The following BDKRB2 variants were observed in gnomAD, a reference collection of about 807,000 sequenced individuals.
BDKRB2 encodes the protein B2 bradykinin receptor.
In BDKRB2, 6 loss-of-function variants were observed where a neutral mutation model predicts 4.0. The ratio of observed to expected loss-of-function variants is 1.49; its 90% CI spans 0.81 to 2.93. The LOEUF is 2.93. BDKRB2 is among the 30% of genes most tolerant of loss of function. BDKRB2 has a pLI of 0.00. For synonymous variants in BDKRB2, 225 were observed against 215.3 expected (o/e 1.05, Z -0.40); for missense variants, 478 against 520.1 (o/e 0.92, Z 0.79).
intron 1 of BDKRB2, chr14:96,223,456 A>C (rs1193557190): frequency 1.5e-6 from 1 of 667,638 alleles, no homozygotes; most frequent in Non-Finnish European, 2.8e-6. Context: ...TTTGATATTT[A>C]AAAGATGTTC....
intron 2 of BDKRB2, chr14:96,239,847 C>A: frequency 1.0e-5 from 10 of 985,464 alleles, no homozygotes; most frequent in Non-Finnish European, 1.2e-5. Flanking sequence ...ATCTTCAGTG[C>A]TTTGCTGATA....
At chr14:96,225,876 T>C (rs573990245) in intron 1 of BDKRB2, among the ~76,000 whole-genome samples, 1 of 152,144 alleles carries the variant, frequency 6.6e-6, no homozygotes, top group South Asian at 2.1e-4. Flanking sequence ...GGCCAGTAAC[T>C]GGTTAGGCAG....
intron 1 of BDKRB2, among the ~76,000 whole-genome samples, chr14:96,205,488 G>C (rs1166341806): frequency 1.3e-5 from 2 of 151,892 alleles, no homozygotes; most frequent in African/African-American, 4.8e-5. Context: ...AAGCAGGCGG[G>C]GGTGGGGGGG....
At chr14:96,221,092 T>C (rs1437394675) in intron 1 of BDKRB2, among the ~76,000 whole-genome samples, 1 of 151,896 alleles carries the variant, frequency 6.6e-6, no homozygotes, top group Non-Finnish European at 1.5e-5. Context: ...TCTGTGTGAC[T>C]CTGGACAAGT....
chr14:96,226,523 G>A (rs898441088), intron 1 of BDKRB2, among the ~76,000 whole-genome samples: 2 of 152,134 alleles, frequency 1.3e-5, no homozygotes, highest in Non-Finnish European at 1.5e-5. Flanking sequence ...GCGTAGTGGT[G>A]CATGCCTGTA....
At chr14:96,212,829 C>T (rs747551578) in intron 1 of BDKRB2, among the ~76,000 whole-genome samples, 3 of 152,098 alleles carry the variant, frequency 2.0e-5, no homozygotes, top group Non-Finnish European at 4.4e-5. Context: ...GAACAGCAGG[C>T]GCCTCACCTA....
In BDKRB2 at chr14:96,240,583, C is replaced by A. The variant is rs1190697892; in HGVS notation, c.255C>A (p.His85Gln). Residue 85 changes from histidine (H) to glutamine (Q), a missense_variant, in exon 3 of 3, where the codon CAC becomes CAA. Coordinates refer to ENST00000554311, the MANE Select transcript of BDKRB2 (RefSeq NM_001379692.1). ...NIFVLSVFCL[H>Q]KSSCTVAEIY... Reference sequence around the variant, plus strand: ...TTGTCCTCAGCGTCTTCTGCCTGCACAAGAGCAGCTGCACGGTGGCAGAGA... The same window carrying A: ...TTGTCCTCAGCGTCTTCTGCCTGCAAAAGAGCAGCTGCACGGTGGCAGAGA... The A allele has an allele frequency of 1.3e-6, 2 of 1,559,796 alleles. No homozygotes were observed. The highest frequency in any genetic ancestry group is 1.9e-5 in the Admixed American group (1 of 51,446).
In BDKRB2 at chr14:96,212,395, A is replaced by T. The variant is rs1002098710; in HGVS notation, c.-40+7436A>T. On this transcript the variant is annotated intron_variant, in intron 1 of 2. Coordinates refer to ENST00000554311, the MANE Select transcript of BDKRB2 (RefSeq NM_001379692.1). ...AAATTTTTAAATTATTAAACCAAAA[A>T]GATTGCAAAAAAAAACTGTTCAATT... 5.1e-5 allele frequency among the ~76,000 whole-genome samples: 7 copies of T among 137,000 alleles called. 1 individual carries two copies. The highest frequency in any genetic ancestry group is 1.2e-4 in the Non-Finnish European group (7 of 58,042). 89.9% of individuals were successfully genotyped at this position (137,000 alleles called of 152,430 possible).
At chr14:96,224,043 T>C (rs1249680623) in intron 1 of BDKRB2, among the ~76,000 whole-genome samples, 2 of 152,002 alleles carry the variant, frequency 1.3e-5, no homozygotes, top group East Asian at 3.8e-4. Context: ...GGTTGTCTAG[T>C]TATGCTTTCT....
intron 1 of BDKRB2, chr14:96,233,597 C>T (rs1403834295): frequency 2.0e-5 from 3 of 152,192 alleles, no homozygotes; most frequent in Non-Finnish European, 4.4e-5. Context: ...TGCGAAGCTG[C>T]CACATTTTGG....
At position 96,243,657 on chromosome 14, in the gene BDKRB2, C is replaced by T. The variant is rs1302631855; in HGVS notation, c.*2153C>T. 6.6e-6 allele frequency: 1 copy of T among 152,324 alleles called. No individual in the cohort carries two copies. Among genetic ancestry groups the T allele is most frequent in the East Asian group, 1.9e-4 (1 of 5,202 alleles). 9.4% of individuals were successfully genotyped at this position (152,324 alleles called of 1,614,324 possible). ...CCCATAAATCCTGACCAATCCAACT[C>T]TGAATTTTAAAGCAAAAGCGTCAAA... On this transcript the variant is annotated 3_prime_UTR_variant, in exon 3 of 3. Transcript: ENST00000554311.
chr14:96,230,719 C>T (rs1015718455), intron 1 of BDKRB2, among the ~76,000 whole-genome samples: 14 of 147,806 alleles, frequency 9.5e-5, no homozygotes, highest in Admixed American at 2.7e-4. Flanking sequence ...CCGGTTCAAG[C>T]GATTCTCCTG....
intron 1 of BDKRB2, chr14:96,223,144 G>A (rs575519144): frequency 1.4e-5 from 18 of 1,263,564 alleles, no homozygotes; most frequent in African/African-American, 4.4e-5. Flanking sequence ...GGACAGATAC[G>A]ACGACGAGGA....
In BDKRB2 at chr14:96,240,637, C is replaced by T; in HGVS notation, c.309C>T (p.Asp103=). The change falls in exon 3 of 3, where the codon GAC becomes GAT. Residue 103 remains aspartate (D), a synonymous_variant. Transcript: ENST00000554311. ...EIYLGNLAAA[D]LILACGLPFW... is the part of the protein sequence containing the mutation. Reference sequence around the variant, plus strand: ...ACCTGGGGAACCTGGCCGCAGCAGACCTGATCCTGGCCTGCGGGCTGCCCT... The same window carrying T: ...ACCTGGGGAACCTGGCCGCAGCAGATCTGATCCTGGCCTGCGGGCTGCCCT... 6.4e-7 allele frequency: 1 copy of T among 1,562,182 alleles called. No homozygotes were observed. The highest frequency in any genetic ancestry group is 2.2e-5 in the East Asian group (1 of 44,572).
intron 1 of BDKRB2, among the ~76,000 whole-genome samples, chr14:96,206,599 A>G (rs1595243595): frequency 6.6e-6 from 1 of 151,916 alleles, no homozygotes; most frequent in Non-Finnish European, 1.5e-5. Context: ...AATGCCAAAA[A>G]CCGCAATGAC....
intron 2 of BDKRB2, chr14:96,239,118 T>C: frequency 3.0e-6 from 3 of 985,500 alleles, no homozygotes; most frequent in Non-Finnish European, 3.6e-6. Flanking sequence ...AGCCTGACTA[T>C]CAGTGGACCT....
intron 1 of BDKRB2, among the ~76,000 whole-genome samples, chr14:96,234,416 C>T (rs1416193109): frequency 6.6e-6 from 1 of 152,180 alleles, no homozygotes; most frequent in East Asian, 1.9e-4. Context: ...CTCCCTCAGG[C>T]TCCTGCTGGG....
chr14:96,241,842 C>A lies in BDKRB2; in HGVS notation c.*338C>A. Reference sequence around the variant, plus strand: ...TGACTGAGCTTCCCTCCCGTGTGTTCTCCGTCCCTGCCCCAGCAAGACAAC... The same window carrying A: ...TGACTGAGCTTCCCTCCCGTGTGTTATCCGTCCCTGCCCCAGCAAGACAAC... On this transcript the variant is annotated 3_prime_UTR_variant, in exon 3 of 3. Transcript: ENST00000554311. The A allele has an allele frequency of 4.6e-6, 1 of 216,676 alleles. No homozygotes were observed. The highest frequency in any genetic ancestry group is 9.1e-6 in the Non-Finnish European group (1 of 109,444). 13.4% of individuals were successfully genotyped at this position (216,676 alleles called of 1,614,324 possible).
At chr14:96,233,835 C>T (rs1231395581) in intron 1 of BDKRB2, 4 of 152,154 alleles carry the variant, frequency 2.6e-5, no homozygotes, top group African/African-American at 9.7e-5. Flanking sequence ...AGTGTTTTTA[C>T]AGTAAGTCTT....
Sources: gnomAD v4.1 joint callset for allele counts (sites outside exome capture counted in the v4.1 genomes callset) on GRCh38, gnomAD v4.1.1 for gene constraint, MANE v1.5 for transcripts, NCBI Gene and HGNC (gene_info 2026-07-23, HGNC 2026-07-21) for gene names.